Variants in SOS2 observed in about 807,000 individuals in gnomAD.
The protein encoded by SOS2 is SOS Ras/Rho guanine nucleotide exchange factor 2.
Under a neutral mutation model 148.2 loss-of-function variants are expected in SOS2, and 65 were observed. The ratio of observed to expected loss-of-function variants is 0.44; its 90% CI spans 0.36 to 0.54. SOS2 has a LOEUF of 0.54. SOS2 is among the 20% of genes least tolerant of loss of function. The pLI is 0.00. For synonymous variants in SOS2, 539 were observed against 537.1 expected (o/e 1.00, Z -0.05); for missense variants, 1,341 against 1,590.2 (o/e 0.84, Z 2.67).
intron 7 of SOS2, among the ~76,000 whole-genome samples, chr14:50,177,319 C>CTAAA (rs1276832008): frequency 7.2e-5 from 11 of 152,140 alleles, no homozygotes; most frequent in East Asian, 5.8e-4. Context: ...GACCCTGTCT[C>CTAAA]TAAATAAATA....
intron 14 of SOS2, 48 bp downstream of exon 14, chr14:50,149,960 G>A: frequency 7.7e-7 from 1 of 1,296,928 alleles, no homozygotes; most frequent in Non-Finnish European, 1.1e-6. Context: ...AATAGGTAAT[G>A]TTCAAGATTC....
At chr14:50,147,634 G>A (rs1181846191) in intron 14 of SOS2, among the ~76,000 whole-genome samples, 1 of 152,066 alleles carries the variant, frequency 6.6e-6, no homozygotes, top group Non-Finnish European at 1.5e-5. Context: ...CAGGGTGGTA[G>A]TGCTTTCTTA....
At position 50,118,270 on chromosome 14, in the gene SOS2, GTCT is replaced by G. The variant is rs1883359822; in HGVS notation, c.*71_*73del. 8.2e-7 allele frequency: 1 copy of G among 1,226,660 alleles called. No individual in the cohort carries two copies. Among genetic ancestry groups the G allele is most frequent in the African/African-American group, 1.5e-5 (1 of 65,172 alleles). 76.0% of individuals were successfully genotyped at this position (1,226,660 alleles called of 1,614,324 possible). A position where few individuals can be genotyped will look rare whatever the true frequency, so the allele number is the denominator to read the frequency against. ...TTTGTAAAAAGTACTAAAATACTAT[GTCT>G]TTTTTTGAATAAATTAAAAAAAAAA... On this transcript the variant is annotated 3_prime_UTR_variant, in exon 23 of 23. Coordinates refer to ENST00000216373, the MANE Select transcript of SOS2 (RefSeq NM_006939.4).
Position 50,188,515 on chromosome 14 carries a change from T to C in SOS2, c.696A>G (p.Arg232=). Residue 232 remains arginine (R), a synonymous_variant, in exon 5 of 23, where the codon AGA becomes AGG. Transcript: ENST00000216373. ...KVFREAFLSD[R]KLFKPSDIEK... The stretch of plus-strand genomic sequence containing the variant: ...TACTTACAGAAGGTTTAAACAGCTT[T>C]CTATCAGAAAGAAAGGCTTCTCGAA... 1 of 1,600,004 alleles carries C rather than the reference T, an allele frequency of 6.2e-7. No homozygotes were observed. The highest frequency in any genetic ancestry group is 8.5e-7 in the Non-Finnish European group (1 of 1,176,306).
intron 18 of SOS2, among the ~76,000 whole-genome samples, chr14:50,137,141 A>G (rs1172323622): frequency 2.6e-5 from 4 of 152,182 alleles, no homozygotes; most frequent in African/African-American, 9.7e-5. Flanking sequence ...GTATAATATA[A>G]TAACATTCAT....
In SOS2 at chr14:50,145,317, T is replaced by G; in HGVS notation, c.2520A>C (p.Ala840=). The G allele has an allele frequency of 6.2e-7, 1 of 1,602,104 alleles. No individual in the cohort carries two copies. The highest frequency in any genetic ancestry group is 8.5e-7 in the Non-Finnish European group (1 of 1,176,786). ...TLWFEKCIVE[A]ENFEERVAVL... ...CTGCCACCCGTTCTTCAAAATTTTC[T>G]GCTTCCACAATGCATCTAACAACAA... The change falls in exon 16 of 23, where the codon GCA becomes GCC. Residue 840 remains alanine (A), a synonymous_variant. Transcript: ENST00000216373.
chr14:50,188,262 G>A (rs188745187), intron 5 of SOS2, among the ~76,000 whole-genome samples: 41 of 152,156 alleles, frequency 2.7e-4, no homozygotes, highest in Non-Finnish European at 5.0e-4. Flanking sequence ...AAAATTAGCC[G>A]ATTGTGGTGG....
chr14:50,161,340 C>A, intron 9 of SOS2, 142 bp downstream of exon 9: 2 of 634,688 alleles, frequency 3.2e-6, no homozygotes, highest in South Asian at 2.7e-5. Context: ...GAGTAAAAGA[C>A]CAACATAAAA....
At chr14:50,199,935 C>T in intron 3 of SOS2, 80 bp from the exon 4 acceptor site, 1 of 885,952 alleles carries the variant, frequency 1.1e-6, no homozygotes, top group South Asian at 1.7e-5. Context: ...TATTTAACAT[C>T]CTTGCTTATA....
chr14:50,118,356 TTC>T lies in SOS2; in HGVS notation c.3985_3986del (p.Glu1329AsnfsTer12), dbSNP rs1279814863. The T allele has an allele frequency of 6.2e-7, 1 of 1,613,500 alleles. No individual in the cohort carries two copies. Among genetic ancestry groups the T allele is most frequent in the East Asian group, 2.2e-5 (1 of 44,898 alleles). ...LYRLPLLENA[E>X]TPQ ...CATATGGCTAAGGTCATTGGGGAGT[TTC>T]TGCATTTTCTAGCAAAGGCAGTCTG... On this transcript the variant is annotated frameshift_variant, in exon 23 of 23. Coordinates refer to ENST00000216373, the MANE Select transcript of SOS2 (RefSeq NM_006939.4). LOFTEE classifies it high-confidence loss of function.
chr14:50,222,008 A>G (rs1042253177), intron 1 of SOS2, among the ~76,000 whole-genome samples: 6 of 152,186 alleles, frequency 3.9e-5, no homozygotes, highest in African/African-American at 1.4e-4. Context: ...ATGCAGGGGA[A>G]ATATAATGAA....
At chr14:50,133,075 T>C (rs1284645824) in intron 19 of SOS2, among the ~76,000 whole-genome samples, 2 of 151,992 alleles carry the variant, frequency 1.3e-5, no homozygotes, top group East Asian at 3.8e-4. Context: ...GGATCTTTAG[T>C]TTTTTAGGGA....
chr14:50,170,410 G>A (rs1885323776), intron 8 of SOS2, among the ~76,000 whole-genome samples: 1 of 152,018 alleles, frequency 6.6e-6, no homozygotes, highest in Non-Finnish European at 1.5e-5. Flanking sequence ...ATATAGCCAG[G>A]TATGGTGGCT....
intron 8 of SOS2, among the ~76,000 whole-genome samples, chr14:50,170,492 C>A (rs1885326245): frequency 6.6e-6 from 1 of 151,736 alleles, no homozygotes; most frequent in Non-Finnish European, 1.5e-5. Flanking sequence ...TCAAGACCAG[C>A]CTAGGCAACA....
At chr14:50,141,575 C>T (rs549183021) in intron 16 of SOS2, among the ~76,000 whole-genome samples, 2 of 151,948 alleles carry the variant, frequency 1.3e-5, no homozygotes, top group African/African-American at 2.4e-5. Context: ...AAGAGGTATG[C>T]GATCTCTGTC....
intron 1 of SOS2, among the ~76,000 whole-genome samples, chr14:50,208,826 G>T (rs1164467417): frequency 3.9e-5 from 6 of 152,192 alleles, no homozygotes; most frequent in Non-Finnish European, 8.8e-5. Flanking sequence ...GAAAATTTCA[G>T]AATTGGTAAA....
intron 1 of SOS2, among the ~76,000 whole-genome samples, chr14:50,223,936 G>C (rs979537508): frequency 6.6e-6 from 1 of 152,046 alleles, no homozygotes; most frequent in East Asian, 1.9e-4. Context: ...TAGATTATAC[G>C]TGAAGCAATG....
At chr14:50,120,239 A>G (rs888357703) in intron 22 of SOS2, 36 bp downstream of exon 22, 1 of 937,554 alleles carries the variant, frequency 1.1e-6, no homozygotes, top group Non-Finnish European at 1.7e-6. Flanking sequence ...AAGATTCACA[A>G]CTTTGAATAA....
At chr14:50,212,830 G>T (rs1258700382) in intron 1 of SOS2, among the ~76,000 whole-genome samples, 2 of 152,114 alleles carry the variant, frequency 1.3e-5, no homozygotes, top group Admixed American at 6.6e-5. Context: ...AAGTGAGGAG[G>T]AGCAGATTAT....
Sources: gnomAD v4.1 joint callset for allele counts (sites outside exome capture counted in the v4.1 genomes callset) on GRCh38, gnomAD v4.1.1 for gene constraint, MANE v1.5 for transcripts, NCBI Gene and HGNC (gene_info 2026-07-23, HGNC 2026-07-21) for gene names.